Variants in ROBO2 observed in about 807,000 individuals in gnomAD.
The protein encoded by ROBO2 is roundabout guidance receptor 2, also known as roundabout homolog 2.
In ROBO2, 53 loss-of-function variants were observed where a neutral mutation model predicts 160.8. That is an observed-to-expected ratio of 0.33 (90% confidence interval 0.26 to 0.41). ROBO2 has a LOEUF of 0.41. Among genes scored for constraint, ROBO2 ranks in the 10% least tolerant of loss-of-function variants. The pLI is 1.00. For synonymous variants in ROBO2, 664 were observed against 611.7 expected (o/e 1.09, Z -1.26); for missense variants, 1,577 against 1,722.4 (o/e 0.92, Z 1.49).
At chr3:76,477,496 T>C (rs982109493) in intron 2 of ROBO2, among the ~76,000 whole-genome samples, 1 of 152,150 alleles carries the variant, frequency 6.6e-6, no homozygotes, top group East Asian at 1.9e-4. Flanking sequence ...AAATGTTGTA[T>C]ATGAAACCAT....
intron 2 of ROBO2, among the ~76,000 whole-genome samples, chr3:76,066,488 A>G (rs2068258892): frequency 6.6e-6 from 1 of 152,126 alleles, no homozygotes; most frequent in South Asian, 2.1e-4. Context: ...GAATAATACC[A>G]TAGACATAAG....
intron 2 of ROBO2, among the ~76,000 whole-genome samples, chr3:76,134,451 A>T (rs1260924473): frequency 6.6e-6 from 1 of 152,124 alleles, no homozygotes; most frequent in Non-Finnish European, 1.5e-5. Context: ...GGCAAAACGT[A>T]AGGGATTTTG....
At chr3:76,496,278 C>T (rs746768706) in intron 2 of ROBO2, among the ~76,000 whole-genome samples, 1 of 152,090 alleles carries the variant, frequency 6.6e-6, no homozygotes, top group African/African-American at 2.4e-5. Flanking sequence ...TTTTCATCTT[C>T]AGAGAAAAAT....
At chr3:77,135,429 T>TTCTC (rs1191452709) in intron 2 of ROBO2, among the ~76,000 whole-genome samples, 1 of 152,048 alleles carries the variant, frequency 6.6e-6, no homozygotes, top group African/African-American at 2.4e-5. Flanking sequence ...GAAACAGGGT[T>TTCTC]TCTCTCTGTC....
At chr3:76,950,869 G>T (rs936770771) in intron 2 of ROBO2, among the ~76,000 whole-genome samples, 4 of 152,176 alleles carry the variant, frequency 2.6e-5, no homozygotes, top group Non-Finnish European at 5.9e-5. Context: ...TGGGACTACA[G>T]GTGCACACCA....
intron 2 of ROBO2, among the ~76,000 whole-genome samples, chr3:76,730,122 C>T (rs115834795): frequency 7.1e-4 from 108 of 152,178 alleles, no homozygotes; most frequent in African/African-American, 2.4e-3. Flanking sequence ...CTATTTCTTA[C>T]TGTCCTTCAC....
chr3:75,934,702 T>G (rs554477571), intron 1 of ROBO2, among the ~76,000 whole-genome samples: 1 of 152,266 alleles, frequency 6.6e-6, no homozygotes, highest in Non-Finnish European at 1.5e-5. Flanking sequence ...TAAATTATAA[T>G]AACATTTTGA....
intron 5 of ROBO2, among the ~76,000 whole-genome samples, chr3:77,519,203 T>C: frequency 6.6e-6 from 1 of 151,362 alleles, no homozygotes; most frequent in East Asian, 1.9e-4. Context: ...TACCATTAAT[T>C]AAAAAACAAA....
intron 2 of ROBO2, among the ~76,000 whole-genome samples, chr3:76,404,970 A>G (rs1370584055): frequency 6.6e-6 from 1 of 151,730 alleles, no homozygotes; most frequent in Non-Finnish European, 1.5e-5. Flanking sequence ...CATAGAATTA[A>G]AAATGGAAAT....
intron 2 of ROBO2, among the ~76,000 whole-genome samples, chr3:77,180,456 G>A (rs1278180487): frequency 4.5e-5 from 4 of 88,782 alleles, no homozygotes; most frequent in Non-Finnish European, 6.9e-5. Context: ...TTTTTTTTGA[G>A]ACAGAGTCTC....
chr3:76,750,693 C>T (rs1007984110), intron 2 of ROBO2, among the ~76,000 whole-genome samples: 2 of 152,150 alleles, frequency 1.3e-5, no homozygotes, highest in African/African-American at 4.8e-5. Flanking sequence ...CTCCCATTCA[C>T]AATTGCTTCA....
At chr3:76,977,499 G>A (rs1370974378) in intron 2 of ROBO2, among the ~76,000 whole-genome samples, 1 of 152,132 alleles carries the variant, frequency 6.6e-6, no homozygotes, top group Non-Finnish European at 1.5e-5. Context: ...GGGTGCTGGT[G>A]CAAAGAAAAG....
chr3:76,593,962 T>A (rs1476421648), intron 2 of ROBO2, among the ~76,000 whole-genome samples: 1 of 152,090 alleles, frequency 6.6e-6, no homozygotes, highest in African/African-American at 2.4e-5. Context: ...TAGAAAAGCA[T>A]GGAAAGAGCT....
chr3:76,345,441 CTT>C (rs5850253), intron 2 of ROBO2, among the ~76,000 whole-genome samples: 10,039 of 133,218 alleles, frequency 0.075, 370 homozygotes, highest in African/African-American at 0.087. Flanking sequence ...TCTTTTCTTT[CTT>C]TTTTTTTTTT....
intron 2 of ROBO2, among the ~76,000 whole-genome samples, chr3:76,723,774 A>C (rs1010222821): frequency 5.3e-5 from 8 of 152,220 alleles, no homozygotes; most frequent in Admixed American, 2.0e-4. Flanking sequence ...ATATTTATAC[A>C]GATTATAATT....
At chr3:76,594,024 T>C (rs1217578127) in intron 2 of ROBO2, among the ~76,000 whole-genome samples, 1 of 152,066 alleles carries the variant, frequency 6.6e-6, no homozygotes, top group African/African-American at 2.4e-5. Flanking sequence ...AAAGAAAGTA[T>C]GTTGTAAACA....
Position 75,957,746 on chromosome 3 carries a change from G to A in ROBO2, c.109+20144G>A, listed in dbSNP as rs149103895. The stretch of plus-strand genomic sequence containing the variant: ...TTTGGAAAGTAACTTGGGATAAATG[G>A]TTGTCTTTTGTCTTTGTCCTCCTCT... On this transcript the variant is annotated intron_variant, in intron 2 of 26. Transcript: ENST00000487694. Among the ~76,000 whole-genome samples the A allele has an allele frequency of 5.0e-4, 76 of 151,132 alleles. 2 individuals are homozygous for A. Among genetic ancestry groups the A allele is most frequent in the African/African-American group, 1.8e-3 (73 of 41,272 alleles).
At chr3:76,135,938 T>G (rs1172157119) in intron 2 of ROBO2, among the ~76,000 whole-genome samples, 2 of 138,924 alleles carry the variant, frequency 1.4e-5, no homozygotes, top group African/African-American at 5.4e-5. Context: ...AATGTTTATT[T>G]TACTACAAGG....
intron 2 of ROBO2, among the ~76,000 whole-genome samples, chr3:76,607,856 A>G (rs2109035122): frequency 6.6e-6 from 1 of 152,316 alleles, no homozygotes; most frequent in Admixed American, 6.5e-5. Context: ...AAATCTTTCA[A>G]ATCTATTCTC....
Sources: allele counts gnomAD v4.1 joint callset (sites outside exome capture counted in the v4.1 genomes callset), GRCh38; gene constraint gnomAD v4.1.1; transcripts MANE v1.5; gene names NCBI Gene and HGNC (gene_info 2026-07-23, HGNC 2026-07-21).